Variants in ARID5B observed in about 807,000 individuals in gnomAD.
ARID5B encodes AT-rich interaction domain 5B, also known as AT-rich interactive domain-containing protein 5B.
In ARID5B, 13 loss-of-function variants were observed where a neutral mutation model predicts 97.2. The observed-to-expected ratio is 0.13, with a 90% CI of 0.09 to 0.21. The LOEUF (loss-of-function observed/expected upper bound fraction) is 0.21, where lower values mean the gene tolerates loss of function less well. Among genes scored for constraint, ARID5B ranks in the 10% least tolerant of loss-of-function variants. The pLI is 1.00. For synonymous variants in ARID5B, 556 were observed against 570.3 expected (o/e 0.97, Z 0.36); for missense variants, 1,210 against 1,465.3 (o/e 0.83, Z 2.84).
chr10:61,920,795 T>G (rs1371789838), intron 2 of ARID5B, among the ~76,000 whole-genome samples: 3 of 152,180 alleles, frequency 2.0e-5, no homozygotes. Flanking sequence ...CAGGGTACTA[T>G]GGGGGGTGAT....
At chr10:62,016,584 A>G (rs1464508758) in intron 4 of ARID5B, among the ~76,000 whole-genome samples, 4 of 152,238 alleles carry the variant, frequency 2.6e-5, no homozygotes, top group Admixed American at 6.5e-5. Flanking sequence ...ATTGTCTTAA[A>G]GACAATTTTA....
At chr10:61,955,533 AG>A (rs1838380251) in intron 3 of ARID5B, among the ~76,000 whole-genome samples, 1 of 152,276 alleles carries the variant, frequency 6.6e-6, no homozygotes, top group Admixed American at 6.5e-5. Context: ...TGTATATCAT[AG>A]GATAATAAAA....
intron 4 of ARID5B, chr10:62,025,240 A>G (rs754825969): frequency 2.6e-5 from 4 of 152,236 alleles, no homozygotes; most frequent in Non-Finnish European, 5.9e-5. Flanking sequence ...GAGATGTGTC[A>G]TCTATCACAG....
At chr10:61,999,319 A>G (rs1839044277) in intron 3 of ARID5B, among the ~76,000 whole-genome samples, 1 of 152,252 alleles carries the variant, frequency 6.6e-6, no homozygotes, top group Non-Finnish European at 1.5e-5. Context: ...TTACAGCCCA[A>G]CAAACCAATT....
At chr10:61,957,037 T>A (rs529763502) in intron 3 of ARID5B, among the ~76,000 whole-genome samples, 1 of 152,196 alleles carries the variant, frequency 6.6e-6, no homozygotes, top group South Asian at 2.1e-4. Flanking sequence ...TTTTAAATTG[T>A]TTTTCTGAAA....
intron 4 of ARID5B, among the ~76,000 whole-genome samples, chr10:62,006,441 TCAAA>T (rs1054261021): frequency 2.0e-5 from 3 of 152,014 alleles, no homozygotes; most frequent in African/African-American, 7.2e-5. Context: ...AAACTCCGTT[TCAAA>T]CAAACAAACA....
intron 3 of ARID5B, among the ~76,000 whole-genome samples, chr10:61,983,467 T>C (rs559798632): frequency 1.3e-5 from 2 of 152,316 alleles, no homozygotes; most frequent in Admixed American, 1.3e-4. Context: ...GAAATCATCT[T>C]GATTGTGAAA....
At chr10:62,020,686 C>T (rs1839343744) in intron 4 of ARID5B, among the ~76,000 whole-genome samples, 1 of 152,058 alleles carries the variant, frequency 6.6e-6, no homozygotes, top group Non-Finnish European at 1.5e-5. Flanking sequence ...ATGAGTCTGC[C>T]ATCCAGATTT....
At chr10:62,022,106 GTGGAGCTCATACAA>G (rs1839364057) in intron 4 of ARID5B, among the ~76,000 whole-genome samples, 1 of 152,146 alleles carries the variant, frequency 6.6e-6, no homozygotes. Flanking sequence ...ATTCATATAA[GTGGAGCTCATACAA>G]TGAAGTTTGC....
chr10:62,067,566 CCA>C (rs1193292624), intron 7 of ARID5B, among the ~76,000 whole-genome samples: 31 of 152,226 alleles, frequency 2.0e-4, no homozygotes, highest in African/African-American at 7.5e-4. Context: ...ACAGTGATTC[CCA>C]CAGTTACCTG....
chr10:61,981,360 C>A (rs1417571081), intron 3 of ARID5B, among the ~76,000 whole-genome samples: 1 of 152,176 alleles, frequency 6.6e-6, no homozygotes. Flanking sequence ...CCACTCACCG[C>A]AATCTCTGCC....
At chr10:61,948,555 A>G (rs544793350) in intron 3 of ARID5B, among the ~76,000 whole-genome samples, 157 of 151,928 alleles carry the variant, frequency 1.0e-3, no homozygotes, top group African/African-American at 3.7e-3. Flanking sequence ...TTTAGTAGAG[A>G]CGGGGCTTCA....
chr10:61,917,318 T>C (rs1327350118), intron 2 of ARID5B, among the ~76,000 whole-genome samples: 1 of 151,998 alleles, frequency 6.6e-6, no homozygotes, highest in Non-Finnish European at 1.5e-5. Context: ...TAGTTGACCA[T>C]TCTATTTATT....
rs1042419162 is a variant in ARID5B at position 62,095,672 on chromosome 10, C to G, written c.*2642C>G. On this transcript the variant is annotated 3_prime_UTR_variant, in exon 10 of 10. Coordinates refer to ENST00000279873, the MANE Select transcript of ARID5B (RefSeq NM_032199.3). ...GTGTTATTTGTTTTAAAACTCTGAA[C>G]AGAGATCTTGGAAATCTTTCAAAAA... 1 of 233,004 alleles carries G rather than the reference C, an allele frequency of 4.3e-6. No individual in the cohort carries two copies. The highest frequency in any genetic ancestry group is 8.5e-6 in the Non-Finnish European group (1 of 117,602). The allele number at this position is 233,004 out of a possible 1,614,324, so 14.4% of individuals were successfully genotyped here.
At chr10:61,901,836 C>A in intron 1 of ARID5B, 106 bp downstream of exon 1, 1 of 864,404 alleles carries the variant, frequency 1.2e-6, no homozygotes, top group Non-Finnish European at 1.8e-6. Context: ...ACAAACTTTT[C>A]ACCAAACTTT....
chr10:61,978,633 G>T (rs924500861), intron 3 of ARID5B, among the ~76,000 whole-genome samples: 1 of 152,168 alleles, frequency 6.6e-6, no homozygotes, highest in African/African-American at 2.4e-5. Context: ...TTGTGAATGG[G>T]AGTTCACTCA....
chr10:61,921,806 T>C (rs1844020303), intron 2 of ARID5B, among the ~76,000 whole-genome samples: 1 of 152,158 alleles, frequency 6.6e-6, no homozygotes, highest in South Asian at 2.1e-4. Flanking sequence ...TTACTCTGTT[T>C]TACTTTTTTC....
intron 4 of ARID5B, among the ~76,000 whole-genome samples, chr10:62,048,855 C>CAA (rs1839746749): frequency 2.0e-5 from 3 of 152,214 alleles, no homozygotes; most frequent in Non-Finnish European, 1.5e-5. Flanking sequence ...ATCATAGTAA[C>CAA]AAGTCTTAGA....
At chr10:62,004,645 A>G (rs764113959) in intron 4 of ARID5B, among the ~76,000 whole-genome samples, 15 of 152,238 alleles carry the variant, frequency 9.9e-5, no homozygotes, top group Admixed American at 2.6e-4. Context: ...TGTAAAATGC[A>G]TACTGTCATT....
Sources: gnomAD v4.1 joint callset for allele counts (sites outside exome capture counted in the v4.1 genomes callset) on GRCh38, gnomAD v4.1.1 for gene constraint, MANE v1.5 for transcripts, NCBI Gene and HGNC (gene_info 2026-07-23, HGNC 2026-07-21) for gene names.